The following MYO10 variants were observed in gnomAD, a reference collection of about 807,000 sequenced individuals.
MYO10 encodes the protein myosin X.
Under a neutral mutation model 257.3 loss-of-function variants are expected in MYO10, and 133 were observed. The observed-to-expected ratio is 0.52, with a 90% CI of 0.45 to 0.60. MYO10 has a LOEUF of 0.60. Among genes scored for constraint, MYO10 ranks in the 20% least tolerant of loss-of-function variants. The pLI is 0.00. For synonymous variants in MYO10, 1,104 were observed against 1,028.6 expected, an observed-to-expected ratio of 1.07 and a Z score of -1.40; for missense variants, 2,399 against 2,635.7, an observed-to-expected ratio of 0.91 and a Z score of 1.97.
In MYO10 at chr5:16,689,853, G is replaced by A. The variant is rs375262567; in HGVS notation, c.3867C>T (p.His1289=). ...IDIIMADRTF[H]LIAESPEDAS... ...CATCTTCTGGGGACTCTGCAATCAGGTGGAAAGTCCTATCGGCCATAATGA... is the reference window on the plus strand; with the variant it reads ...CATCTTCTGGGGACTCTGCAATCAGATGGAAAGTCCTATCGGCCATAATGA... The change falls in exon 28 of 41, where the codon CAC becomes CAT. Residue 1289 remains histidine (H), a synonymous_variant. Coordinates refer to ENST00000513610, the MANE Select transcript of MYO10 (RefSeq NM_012334.3). The A allele has an allele frequency of 8.7e-6, 14 of 1,613,552 alleles. No individual in the cohort carries two copies. The highest frequency in any genetic ancestry group is 1.3e-5 in the African/African-American group (1 of 74,844).
chr5:16,848,155 C>CTTTTTTTTTTTTTCTTTTTTTTTT (rs1554002460), intron 2 of MYO10, among the ~76,000 whole-genome samples: 7 of 113,568 alleles, frequency 6.2e-5, no homozygotes, highest in Non-Finnish European at 8.6e-5. Flanking sequence ...CTACACATTT[C>CTTTTTTTTTTTTTCTTTTTTTTTT]TTTTTTTTTT....
intron 3 of MYO10, among the ~76,000 whole-genome samples, chr5:16,800,965 A>G (rs781593680): frequency 1.4e-4 from 21 of 152,132 alleles, no homozygotes; most frequent in Non-Finnish European, 2.4e-4. Context: ...AAAGATTTGT[A>G]TTTCAGTATG....
intron 19 of MYO10, among the ~76,000 whole-genome samples, chr5:16,734,727 C>T (rs1448769336): frequency 2.6e-5 from 4 of 152,018 alleles, no homozygotes; most frequent in South Asian, 2.1e-4. Flanking sequence ...ATCACTTGAA[C>T]CCGGGAGGCG....
intron 9 of MYO10, among the ~76,000 whole-genome samples, chr5:16,772,470 T>C (rs1208826349): frequency 6.6e-6 from 1 of 152,218 alleles, no homozygotes; most frequent in African/African-American, 2.4e-5. Context: ...GCACATGATA[T>C]AGAGGCACAG....
chr5:16,670,256 G>A (rs1258868018), intron 39 of MYO10, among the ~76,000 whole-genome samples: 1 of 152,154 alleles, frequency 6.6e-6, no homozygotes, highest in African/African-American at 2.4e-5. Flanking sequence ...TAAAAAATTA[G>A]ATCTATAGCT....
rs1035811085 is a variant in MYO10 at position 16,822,985 on chromosome 5, C to T, written c.121-4818G>A. ...TACAGGCGTGAGCCACCGCACCCGG[C>T]CTAATTTGGAAAGATTTCAAAGGAT... On this transcript the variant is annotated intron_variant, in intron 2 of 40. Coordinates refer to ENST00000513610, the MANE Select transcript of MYO10 (RefSeq NM_012334.3). Among the ~76,000 whole-genome samples the T allele has an allele frequency of 1.1e-4, 16 of 152,006 alleles. No individual in the cohort carries two copies. The East Asian group carries it at 1.6e-3, about 15-fold the overall frequency.
chr5:16,694,291 AAC>A, intron 27 of MYO10, 78 bp downstream of exon 27: 7 of 1,584,782 alleles, frequency 4.4e-6, no homozygotes, highest in Non-Finnish European at 6.0e-6. Flanking sequence ...CGCTGCAAGG[AAC>A]TTGCACAGCA....
At chr5:16,671,175 C>T (rs1339821275) in intron 38 of MYO10, among the ~76,000 whole-genome samples, 197 bp from the exon 39 acceptor site, 1 of 152,208 alleles carries the variant, frequency 6.6e-6, no homozygotes, top group Admixed American at 6.5e-5. Flanking sequence ...ATCTAACACA[C>T]GTCACATATT....
intron 8 of MYO10, among the ~76,000 whole-genome samples, 194 bp from the exon 9 acceptor site, chr5:16,779,842 A>T (rs952829001): frequency 1.3e-4 from 20 of 152,362 alleles, no homozygotes; most frequent in Admixed American, 1.0e-3. Context: ...GAGATTATTT[A>T]AAAAATGTTA....
At chr5:16,797,697 C>T (rs1046063469) in intron 3 of MYO10, among the ~76,000 whole-genome samples, 5 of 152,170 alleles carry the variant, frequency 3.3e-5, no homozygotes, top group African/African-American at 1.2e-4. Context: ...CATATTAAGC[C>T]AGACACAAAA....
intron 2 of MYO10, among the ~76,000 whole-genome samples, chr5:16,845,974 A>G (rs2126731182): frequency 6.6e-6 from 1 of 152,178 alleles, no homozygotes; most frequent in African/African-American, 2.4e-5. Flanking sequence ...AAAAAAAAAG[A>G]AAAGGAAAAG....
chr5:16,935,259 C>G (rs1235838969), intron 1 of MYO10, among the ~76,000 whole-genome samples: 1 of 152,178 alleles, frequency 6.6e-6, no homozygotes, highest in Non-Finnish European at 1.5e-5. Context: ...TAAAAGAGCA[C>G]TTCTCGGCGA....
intron 2 of MYO10, among the ~76,000 whole-genome samples, chr5:16,821,056 T>C (rs1212305493): frequency 6.8e-6 from 1 of 147,332 alleles, no homozygotes; most frequent in African/African-American, 2.5e-5. Context: ...CATATATGTA[T>C]AATATATAAT....
At chr5:16,783,024 A>G (rs1741468197) in intron 5 of MYO10, among the ~76,000 whole-genome samples, 1 of 152,182 alleles carries the variant, frequency 6.6e-6, no homozygotes, top group African/African-American at 2.4e-5. Context: ...CTCCAATACA[A>G]GTGCCTTATC....
chr5:16,720,596 A>G, intron 19 of MYO10, among the ~76,000 whole-genome samples: 1 of 152,028 alleles, frequency 6.6e-6, no homozygotes, highest in East Asian at 1.9e-4. Context: ...TGGGATGGGA[A>G]TATAGGCACG....
At chr5:16,879,314 T>C (rs932914240) in intron 1 of MYO10, among the ~76,000 whole-genome samples, 2 of 152,230 alleles carry the variant, frequency 1.3e-5, no homozygotes, top group Non-Finnish European at 2.9e-5. Flanking sequence ...GGTTATGGTA[T>C]GTTCCACTTC....
At chr5:16,760,071 T>C (rs1051931429) in intron 17 of MYO10, among the ~76,000 whole-genome samples, 12 of 151,992 alleles carry the variant, frequency 7.9e-5, no homozygotes, top group Non-Finnish European at 5.9e-5. Context: ...TTGTTACAGA[T>C]TCCCACCAGA....
rs140794298 is a variant in MYO10 at position 16,813,366 on chromosome 5, A to T, written c.279+4643T>A. On this transcript the variant is annotated intron_variant, in intron 3 of 40. Transcript: ENST00000513610. ...AATGTTTTATAAATTTAAAAAAATTAAAAAAACTTAAAAATTAACCAAGTG... is the reference window on the plus strand; with the variant it reads ...AATGTTTTATAAATTTAAAAAAATTTAAAAAACTTAAAAATTAACCAAGTG... Among the ~76,000 whole-genome samples the T allele has an allele frequency of 3.5e-3, 534 of 152,180 alleles. 4 individuals carry two copies. Among genetic ancestry groups the T allele is most frequent in the African/African-American group, 0.012 (481 of 41,506 alleles).
intron 1 of MYO10, among the ~76,000 whole-genome samples, chr5:16,886,932 C>CAAAAAAAAAAAAAAAAAAA (rs75535220): frequency 9.8e-6 from 1 of 101,900 alleles, no homozygotes; most frequent in Non-Finnish European, 2.0e-5. Flanking sequence ...ACTCCATCTC[C>CAAAAAAAAAAAAAAAAAAA]AAAAAAAAAA....
Sources: allele counts gnomAD v4.1 joint callset (sites outside exome capture counted in the v4.1 genomes callset), GRCh38; gene constraint gnomAD v4.1.1; transcripts MANE v1.5; gene names NCBI Gene and HGNC (gene_info 2026-07-23, HGNC 2026-07-21).